Variants in PARD3 observed in about 807,000 individuals in gnomAD.
PARD3 encodes par-3 family cell polarity regulator.
PARD3 carries 75 observed loss-of-function variants against 155.4 expected under a neutral mutation model. That is an observed-to-expected ratio of 0.48 (90% CI 0.40 to 0.58). PARD3 has a LOEUF of 0.58. PARD3 is among the 20% of genes least tolerant of loss of function. The probability of loss-of-function intolerance (pLI) is 0.00; values close to 1 mark genes in which losing one functional copy is unlikely to be tolerated. For missense variants in PARD3, 1,642 were observed against 1,721.7 expected (o/e 0.95, Z 0.82); for synonymous variants, 576 against 610.5 (o/e 0.94, Z 0.83).
At chr10:34,744,539 G>A (rs1237405971) in intron 1 of PARD3, among the ~76,000 whole-genome samples, 4 of 152,180 alleles carry the variant, frequency 2.6e-5, no homozygotes, top group Non-Finnish European at 5.9e-5. Context: ...GCATAAACAG[G>A]CATCGCTTAC....
intron 2 of PARD3, among the ~76,000 whole-genome samples, chr10:34,637,396 A>C (rs2092516395): frequency 6.6e-6 from 1 of 152,210 alleles, no homozygotes; most frequent in South Asian, 2.1e-4. Context: ...TACAATGAGA[A>C]ACGTCCATTA....
intron 2 of PARD3, among the ~76,000 whole-genome samples, chr10:34,584,828 T>C (rs548431901): frequency 1.1e-4 from 16 of 152,302 alleles, no homozygotes; most frequent in Non-Finnish European, 2.2e-4. Context: ...TTTCGTTACA[T>C]GGAATAAAAC....
At chr10:34,150,764 T>A (rs568709092) in intron 22 of PARD3, among the ~76,000 whole-genome samples, 1 of 152,322 alleles carries the variant, frequency 6.6e-6, no homozygotes, top group African/African-American at 2.4e-5. Flanking sequence ...CTATGAGTGC[T>A]AAGGTTTCAC....
At chr10:34,412,668 T>C (rs1845212614) in intron 5 of PARD3, among the ~76,000 whole-genome samples, 1 of 152,234 alleles carries the variant, frequency 6.6e-6, no homozygotes, top group Admixed American at 6.5e-5. Flanking sequence ...CATTTGCTTT[T>C]GATTACACAG....
At chr10:34,331,078 T>C in intron 19 of PARD3, 39 bp downstream of exon 19, 1 of 1,519,992 alleles carries the variant, frequency 6.6e-7, no homozygotes, top group Non-Finnish European at 9.1e-7. Context: ...AAATAGAGTC[T>C]AATTTTAATT....
rs186147152 is a variant in PARD3, at chr10:34,512,018, C to A, written c.403+4961G>T. On this transcript the variant is annotated intron_variant, in intron 3 of 24. Transcript: ENST00000374788. ...ATGACCTGAACACCTCCCATTAGGC[C>A]ACACCTCCCAACACTGTTGTACTAG... Among the ~76,000 whole-genome samples the A allele has an allele frequency of 9.2e-5, 14 of 152,196 alleles. No individual in the cohort carries two copies. In the East Asian group the frequency reaches 2.3e-3, roughly 25 times the overall value.
intron 2 of PARD3, among the ~76,000 whole-genome samples, chr10:34,640,002 A>T (rs867089200): frequency 6.6e-6 from 1 of 152,198 alleles, no homozygotes; most frequent in Non-Finnish European, 1.5e-5. Flanking sequence ...TAAAAGACAG[A>T]CATGCCCTTA....
rs3039283 is a variant in PARD3, at chr10:34,233,017, A to ATTTTTTTTTTTTTTTTTTT, written c.3419+36621_3419+36639dup. Among the ~76,000 whole-genome samples the ATTTTTTTTTTTTTTTTTTT allele has an allele frequency of 4.2e-5, 4 of 96,194 alleles. 1 individual carries two copies. The highest frequency in any genetic ancestry group is 1.3e-4 in the Admixed American group (1 of 7,636). The allele number at this position is 96,194 out of a possible 152,430, so 63.1% of individuals were successfully genotyped here. A position where few individuals can be genotyped will look rare whatever the true frequency, so the allele number is the denominator to read the frequency against. On this transcript the variant is annotated intron_variant, in intron 22 of 24. Transcript: ENST00000374788. ...GTGCCCGGCCCATCCTCAAATGTTA[A>ATTTTTTTTTTTTTTTTTTT]TTTTTTTTTTTTTTTTTTTTTTGCC...
intron 2 of PARD3, among the ~76,000 whole-genome samples, chr10:34,657,540 G>T (rs1345994646): frequency 1.3e-5 from 2 of 151,822 alleles, no homozygotes; most frequent in Admixed American, 1.3e-4. Flanking sequence ...TTGTTTGTTT[G>T]TTTGTTTGTT....
intron 3 of PARD3, among the ~76,000 whole-genome samples, chr10:34,472,974 A>T (rs1267689438): frequency 6.6e-6 from 1 of 152,236 alleles, no homozygotes. Flanking sequence ...ATTAGCATTT[A>T]TCTCTATATA....
chr10:34,192,285 AC>A (rs1950747363), intron 22 of PARD3, among the ~76,000 whole-genome samples: 1 of 151,902 alleles, frequency 6.6e-6, no homozygotes, highest in African/African-American at 2.4e-5. Flanking sequence ...TTGGGTAGAG[AC>A]AGGGTTTTGC....
chr10:34,376,891 T>C (rs1841308549), intron 10 of PARD3, among the ~76,000 whole-genome samples: 1 of 152,170 alleles, frequency 6.6e-6, no homozygotes, highest in Non-Finnish European at 1.5e-5. Context: ...AAATACAGAC[T>C]ATATTTTCTT....
intron 21 of PARD3, among the ~76,000 whole-genome samples, chr10:34,277,953 A>G (rs1955968384): frequency 6.6e-6 from 1 of 152,122 alleles, no homozygotes; most frequent in Non-Finnish European, 1.5e-5. Context: ...CCAAACTATC[A>G]TCTCTATGAA....
intron 5 of PARD3, among the ~76,000 whole-genome samples, chr10:34,417,260 T>C (rs1005099464): frequency 2.0e-5 from 3 of 152,226 alleles, no homozygotes; most frequent in African/African-American, 7.2e-5. Flanking sequence ...GGACTGATTT[T>C]GTCTGTGCAG....
chr10:34,280,126 G>A (rs1238081839), intron 21 of PARD3, among the ~76,000 whole-genome samples: 1 of 152,268 alleles, frequency 6.6e-6, no homozygotes, highest in African/African-American at 2.4e-5. Flanking sequence ...GGGAAATTTG[G>A]CCAGATATCA....
chr10:34,665,668 C>A (rs1460633461), intron 2 of PARD3, among the ~76,000 whole-genome samples: 6 of 151,882 alleles, frequency 4.0e-5, no homozygotes. Flanking sequence ...TGAAACCCCA[C>A]CTCTACTAAA....
intron 2 of PARD3, chr10:34,675,868 C>A (rs1224219546): frequency 1.5e-5 from 3 of 200,884 alleles, no homozygotes; most frequent in Non-Finnish European, 3.2e-5. Flanking sequence ...CACACACGCG[C>A]TCATCACAGT....
intron 23 of PARD3, among the ~76,000 whole-genome samples, chr10:34,120,475 A>C (rs1444557696): frequency 6.6e-6 from 1 of 152,320 alleles, no homozygotes; most frequent in South Asian, 2.1e-4. Context: ...AAAAGAGGGA[A>C]AGTCCAGGAG....
At chr10:34,671,399 AC>A (rs1358028384) in intron 2 of PARD3, among the ~76,000 whole-genome samples, 2 of 152,082 alleles carry the variant, frequency 1.3e-5, no homozygotes, top group Non-Finnish European at 2.9e-5. Flanking sequence ...TGCATTTAAA[AC>A]CTCCTTCCTC....
Sources: gnomAD v4.1 joint callset for allele counts (sites outside exome capture counted in the v4.1 genomes callset) on GRCh38, gnomAD v4.1.1 for gene constraint, MANE v1.5 for transcripts, NCBI Gene and HGNC (gene_info 2026-07-23, HGNC 2026-07-21) for gene names.